The following KATNIP variants were observed in gnomAD, a reference collection of about 807,000 sequenced individuals.
The protein encoded by KATNIP is katanin-interacting protein.
In KATNIP, 126 loss-of-function variants were observed where a neutral mutation model predicts 174.0. The ratio of observed to expected loss-of-function variants is 0.72; its 90% CI spans 0.63 to 0.84. KATNIP has a LOEUF of 0.84. Ranked by LOEUF, KATNIP falls within the 40% of genes least tolerant of loss-of-function variation. The probability of loss-of-function intolerance (pLI) is 0.00; values close to 1 mark genes in which losing one functional copy is unlikely to be tolerated. For synonymous variants in KATNIP, 810 were observed against 835.7 expected, an observed-to-expected ratio of 0.97 and a Z score of 0.53; for missense variants, 1,958 against 2,109.7, an observed-to-expected ratio of 0.93 and a Z score of 1.41.
At chr16:27,579,272 ACT>A (rs1364331491) in intron 2 of KATNIP, among the ~76,000 whole-genome samples, 1 of 151,632 alleles carries the variant, frequency 6.6e-6, no homozygotes, top group African/African-American at 2.4e-5. Flanking sequence ...GCCACTGTTG[ACT>A]CTGTGAATTA....
intron 18 of KATNIP, among the ~76,000 whole-genome samples, chr16:27,760,875 G>T (rs937441452): frequency 4.6e-5 from 7 of 152,288 alleles, no homozygotes; most frequent in Middle Eastern, 3.4e-3. Context: ...ACTCAGGAGG[G>T]CTTCTCTGAG....
intron 1 of KATNIP, among the ~76,000 whole-genome samples, chr16:27,565,912 A>T (rs1238291216): frequency 6.6e-5 from 10 of 152,080 alleles, no homozygotes; most frequent in Non-Finnish European, 8.8e-5. Flanking sequence ...GAGCCTTAAA[A>T]TTTTTTAAAT....
At chr16:27,704,084 A>G (rs2079203736) in intron 12 of KATNIP, 86 bp downstream of exon 12, 4 of 1,068,790 alleles carry the variant, frequency 3.7e-6, no homozygotes, top group South Asian at 2.6e-5. Flanking sequence ...TTGCTCTGAC[A>G]GTGGTTAAAT....
At chr16:27,596,846 A>G (rs2075352686) in intron 2 of KATNIP, among the ~76,000 whole-genome samples, 1 of 152,074 alleles carries the variant, frequency 6.6e-6, no homozygotes, top group African/African-American at 2.4e-5. Flanking sequence ...AACATGGTGA[A>G]AACCTGTCTC....
chr16:27,738,010 A>T (rs1368024060), intron 14 of KATNIP, among the ~76,000 whole-genome samples: 1 of 152,142 alleles, frequency 6.6e-6, no homozygotes. Context: ...GGAGGAGCCC[A>T]CGGGGACAGT....
chr16:27,684,559 A>G (rs1356399518), intron 8 of KATNIP, among the ~76,000 whole-genome samples: 1 of 152,256 alleles, frequency 6.6e-6, no homozygotes, highest in East Asian at 1.9e-4. Context: ...GGCATAGTGC[A>G]TTAGCTTGCT....
At chr16:27,621,424 A>G (rs981254624) in intron 3 of KATNIP, among the ~76,000 whole-genome samples, 1 of 152,122 alleles carries the variant, frequency 6.6e-6, no homozygotes, top group African/African-American at 2.4e-5. Context: ...TCAGGCAGGT[A>G]CTTCACTTGC....
Position 27,777,747 on chromosome 16 carries a change from C to T in KATNIP, c.4689C>T (p.His1563=). 6.2e-7 allele frequency: 1 copy of T among 1,613,898 alleles called. No homozygotes were observed. Among genetic ancestry groups the T allele is most frequent in the Non-Finnish European group, 8.5e-7 (1 of 1,179,864 alleles). ...ILFTEDRDIR[H]QEKHTTISNQ... is the part of the protein sequence containing the mutation. The stretch of plus-strand genomic sequence containing the variant: ...TCACCGAGGACAGGGACATCCGCCA[C>T]CAGGAGAAACACACCACCATCAGGT... Residue 1563 remains histidine, a synonymous_variant, in exon 26 of 28, where the codon CAC becomes CAT. Transcript: ENST00000261588. The surrounding 1 kb of genome is among the most constrained non-coding windows in gnomAD (Gnocchi z 4.4).
At chr16:27,728,592 A>G (rs2143182102) in intron 14 of KATNIP, among the ~76,000 whole-genome samples, 1 of 152,216 alleles carries the variant, frequency 6.6e-6, no homozygotes, top group East Asian at 1.9e-4. Flanking sequence ...CACCATGCCC[A>G]GCTAATTTTC....
chr16:27,729,044 G>A (rs2080559410), intron 14 of KATNIP, among the ~76,000 whole-genome samples: 1 of 152,206 alleles, frequency 6.6e-6, no homozygotes, highest in Admixed American at 6.5e-5. Context: ...GTTCTCAGTA[G>A]CAGGGCTATT....
At chr16:27,653,961 A>G (rs1597071145) in intron 6 of KATNIP, among the ~76,000 whole-genome samples, 1 of 150,738 alleles carries the variant, frequency 6.6e-6, no homozygotes, top group East Asian at 2.0e-4. Flanking sequence ...CTAAGCCACC[A>G]TGGCCAGCCC....
chr16:27,601,615 C>T (rs762356715), intron 2 of KATNIP, among the ~76,000 whole-genome samples: 6 of 152,132 alleles, frequency 3.9e-5, no homozygotes, highest in African/African-American at 7.2e-5. Context: ...TGCGCCCGGC[C>T]GGCAATGACC....
chr16:27,687,982 TA>T (rs767676109), intron 8 of KATNIP, among the ~76,000 whole-genome samples: 2 of 152,180 alleles, frequency 1.3e-5, no homozygotes, highest in Non-Finnish European at 2.9e-5. Flanking sequence ...CTCACAGACC[TA>T]AAAATTCCAG....
chr16:27,584,532 G>A (rs888764646), intron 2 of KATNIP, among the ~76,000 whole-genome samples: 1 of 152,130 alleles, frequency 6.6e-6, no homozygotes. Context: ...GGGGGCTCAC[G>A]CCTGTAATCC....
intron 8 of KATNIP, among the ~76,000 whole-genome samples, chr16:27,693,159 C>A (rs1171827685): frequency 6.6e-6 from 1 of 152,172 alleles, no homozygotes; most frequent in African/African-American, 2.4e-5. Flanking sequence ...GCTTGCTAAA[C>A]AGAGTTTCTT....
intron 27 of KATNIP, 88 bp downstream of exon 27, chr16:27,778,057 C>A: frequency 1.7e-6 from 2 of 1,180,624 alleles, no homozygotes; most frequent in Non-Finnish European, 1.2e-6. Flanking sequence ...CCCCCACCCT[C>A]ACCCCTGCCT....
intron 15 of KATNIP, among the ~76,000 whole-genome samples, chr16:27,742,907 A>C (rs2081161310): frequency 6.6e-6 from 1 of 151,734 alleles, no homozygotes; most frequent in Non-Finnish European, 1.5e-5. Flanking sequence ...GGTTTGTTAC[A>C]TAGGTAAATG....
rs931867182 is a variant in KATNIP, at chr16:27,673,340, C to T, written c.541-4389C>T. Among the ~76,000 whole-genome samples the T allele has an allele frequency of 3.3e-5, 5 of 152,234 alleles. No homozygotes were observed. The East Asian group carries it at 5.8e-4, about 18-fold the overall frequency. The stretch of plus-strand genomic sequence containing the variant: ...CCGAAATTGTTGTTAAACAGCAGGT[C>T]GCCTAGGAACTCATGTTGCCCTGGG... On this transcript the variant is annotated intron_variant, in intron 6 of 27. Transcript: ENST00000261588.
rs1292008762 is a variant in KATNIP at position 27,749,837 on chromosome 16, GAC to G, written c.2879_2880del (p.Thr960ArgfsTer5). 1 of 1,614,078 alleles carries G rather than the reference GAC, an allele frequency of 6.2e-7. No homozygotes were observed. Among genetic ancestry groups the G allele is most frequent in the Non-Finnish European group, 8.5e-7 (1 of 1,179,992 alleles). ...GAGGGCAGGATGGCTACTCTGGAGAGACAGACGCTGGGGGTGACTTTAAAATC... is the reference window on the plus strand; with the variant it reads ...GAGGGCAGGATGGCTACTCTGGAGAGAGACGCTGGGGGTGACTTTAAAATC... Reference protein sequence around the residue: ...SRGQDGYSGETDAGGDFKIPV... With the variant: ...SRGQDGYSGEXDAGGDFKIPV... On this transcript the variant is annotated frameshift_variant, in exon 16 of 28. Transcript: ENST00000261588. LOFTEE classifies it high-confidence loss of function.
Sources: gnomAD v4.1 joint callset for allele counts (sites outside exome capture counted in the v4.1 genomes callset) on GRCh38, gnomAD v4.1.1 for gene constraint, Gnocchi (gnomAD v3.1) non-coding constraint, MANE v1.5 for transcripts, NCBI Gene and HGNC (gene_info 2026-07-23, HGNC 2026-07-21) for gene names.